The following SP140L variants were observed in gnomAD, a reference collection of about 807,000 sequenced individuals.
The protein encoded by SP140L is SP140 like nuclear body protein.
Under a neutral mutation model 84.3 loss-of-function variants are expected in SP140L, and 64 were observed. That is an observed-to-expected ratio of 0.76 (90% CI 0.62 to 0.94). The LOEUF is 0.94. Among genes scored for constraint, SP140L ranks in the 40% least tolerant of loss-of-function variants. The pLI is 0.00. For missense variants in SP140L, 628 were observed against 692.5 expected (o/e 0.91, Z 1.05); for synonymous variants, 242 against 236.9 (o/e 1.02, Z -0.20).
chr2:230,365,829 T>C (rs1263267085), intron 5 of SP140L, among the ~76,000 whole-genome samples: 1 of 152,144 alleles, frequency 6.6e-6, no homozygotes, highest in Non-Finnish European at 1.5e-5. Context: ...ATGTTGTGTT[T>C]CCATTTTCAT....
intron 2 of SP140L, among the ~76,000 whole-genome samples, chr2:230,333,594 C>T (rs758435388): frequency 5.9e-5 from 9 of 152,088 alleles, no homozygotes; most frequent in Non-Finnish European, 1.0e-4. Context: ...CTTAGTTCTC[C>T]GGGGTCCTTT....
intron 7 of SP140L, among the ~76,000 whole-genome samples, chr2:230,382,072 G>C (rs945315375): frequency 1.3e-5 from 2 of 152,124 alleles, no homozygotes; most frequent in African/African-American, 2.4e-5. Flanking sequence ...TGTGTGTGTG[G>C]CTGGGGAGAG....
chr2:230,400,334 A>C, intron 15 of SP140L, 92 bp downstream of exon 15: 1 of 1,301,618 alleles, frequency 7.7e-7, no homozygotes, highest in Non-Finnish European at 1.1e-6. Flanking sequence ...TTGTGTCTAG[A>C]TGGGGAAGGA....
At chr2:230,355,898 T>C (rs2060531143) in intron 2 of SP140L, among the ~76,000 whole-genome samples, 1 of 151,986 alleles carries the variant, frequency 6.6e-6, no homozygotes, top group Non-Finnish European at 1.5e-5. Context: ...ACAGACTGGG[T>C]GAAAATATTT....
chr2:230,369,984 G>A (rs1314722416), intron 5 of SP140L, among the ~76,000 whole-genome samples: 3 of 148,092 alleles, frequency 2.0e-5, no homozygotes, highest in Non-Finnish European at 4.4e-5. Context: ...CTGTTGGCCA[G>A]GCTGGTCTTG....
chr2:230,394,013 C>T (rs188454770), intron 13 of SP140L, among the ~76,000 whole-genome samples: 131 of 152,270 alleles, frequency 8.6e-4, no homozygotes, highest in African/African-American at 3.0e-3. Flanking sequence ...AAAAAATGTA[C>T]ACACAGATAC....
chr2:230,357,736 A>T (rs2060591366), intron 2 of SP140L, 69 bp from the exon 3 acceptor site: 1 of 1,500,588 alleles, frequency 6.7e-7, no homozygotes, highest in Non-Finnish European at 9.1e-7. Context: ...TTATACATAA[A>T]ATCTTACCAT....
chr2:230,355,157 C>T (rs1405670917), intron 2 of SP140L, among the ~76,000 whole-genome samples: 1 of 152,052 alleles, frequency 6.6e-6, no homozygotes, highest in Non-Finnish European at 1.5e-5. Context: ...GGGAAAGAAA[C>T]AGTGAATCCG....
chr2:230,399,911 G>A (rs919177127), intron 14 of SP140L: 11 of 425,918 alleles, frequency 2.6e-5, no homozygotes, highest in South Asian at 5.5e-5. Context: ...TAAGGAAAAC[G>A]TTTTTATTCT....
intron 7 of SP140L, among the ~76,000 whole-genome samples, chr2:230,373,045 C>T (rs1467343597): frequency 6.6e-6 from 1 of 152,204 alleles, no homozygotes; most frequent in Non-Finnish European, 1.5e-5. Flanking sequence ...AGAGTAAGGT[C>T]TTAACTCTCT....
rs114938011 is a variant in SP140L at position 230,388,937 on chromosome 2, G to A, written c.859+304G>A. Among the ~76,000 whole-genome samples, 1,359 of 152,274 alleles carry A rather than the reference G, an allele frequency of 8.9e-3. 19 individuals are homozygous for A. The highest frequency in any genetic ancestry group is 0.032 in the African/African-American group (1,310 of 41,560). ...TGTATAAAGGGTATAACCCGTAAGT[G>A]ATTTAGCTGATCTTCCTCTGGCTAC... On this transcript the variant is annotated intron_variant, in intron 10 of 18. Coordinates refer to ENST00000415673, the MANE Select transcript of SP140L (RefSeq NM_138402.6).
chr2:230,343,250 C>T (rs1431514314), intron 2 of SP140L, among the ~76,000 whole-genome samples: 1 of 147,586 alleles, frequency 6.8e-6, no homozygotes, highest in East Asian at 2.0e-4. Flanking sequence ...ACACCCCCGA[C>T]AGGTGCCCAG....
At chr2:230,335,061 G>A (rs751513472) in intron 2 of SP140L, among the ~76,000 whole-genome samples, 2 of 151,826 alleles carry the variant, frequency 1.3e-5, no homozygotes, top group East Asian at 3.9e-4. Flanking sequence ...GTTGTTTATT[G>A]TTGTCTTTTC....
intron 4 of SP140L, among the ~76,000 whole-genome samples, chr2:230,359,818 T>G (rs2060657061): frequency 6.6e-6 from 1 of 151,626 alleles, no homozygotes; most frequent in African/African-American, 2.4e-5. Flanking sequence ...AAGTTTGCCT[T>G]TAGTGAAGGA....
chr2:230,400,613 G>T, intron 15 of SP140L: 1 of 506,820 alleles, frequency 2.0e-6, no homozygotes, highest in Non-Finnish European at 3.6e-6. Context: ...GGTCTTAGGC[G>T]GATGGAGGCC....
intron 2 of SP140L, among the ~76,000 whole-genome samples, chr2:230,336,087 G>A (rs182047375): frequency 8.1e-4 from 124 of 152,292 alleles, no homozygotes; most frequent in Middle Eastern, 6.8e-3. Context: ...GAAATGGGCA[G>A]GCAGTTCCCA....
intron 2 of SP140L, among the ~76,000 whole-genome samples, chr2:230,354,391 A>G (rs952687429): frequency 3.9e-5 from 6 of 152,194 alleles, no homozygotes; most frequent in Non-Finnish European, 7.4e-5. Context: ...TTAGAAATAG[A>G]TAGGTAGGAA....
chr2:230,341,649 G>A, intron 2 of SP140L, among the ~76,000 whole-genome samples: 1 of 149,462 alleles, frequency 6.7e-6, no homozygotes. Context: ...TTTGATGATG[G>A]TGATGTACAG....
intron 7 of SP140L, among the ~76,000 whole-genome samples, chr2:230,374,748 A>G (rs1474884224): frequency 2.0e-4 from 31 of 152,196 alleles, no homozygotes; most frequent in Non-Finnish European, 1.3e-4. Flanking sequence ...TGAAGGCTCA[A>G]ATGATTGTGA....
Sources: allele counts gnomAD v4.1 joint callset (sites outside exome capture counted in the v4.1 genomes callset), GRCh38; gene constraint gnomAD v4.1.1; transcripts MANE v1.5; gene names NCBI Gene and HGNC (gene_info 2026-07-23, HGNC 2026-07-21).